IDS: variants seen among roughly 807,000 people sequenced by gnomAD.
IDS encodes the protein alpha-L-iduronate sulfate sulfatase.
In IDS, 1 loss-of-function variant was observed where a neutral mutation model predicts 33.5. The observed-to-expected ratio is 0.03, with a 90% CI of 0.01 to 0.14. The LOEUF (loss-of-function observed/expected upper bound fraction) is 0.14, where lower values mean the gene tolerates loss of function less well. Ranked by LOEUF, IDS falls within the 10% of genes least tolerant of loss-of-function variation. IDS has a pLI of 1.00. For synonymous variants in IDS, 191 were observed against 184.4 expected, an observed-to-expected ratio of 1.04 and a Z score of -0.29; for missense variants, 328 against 448.0, an observed-to-expected ratio of 0.73 and a Z score of 2.42.
chrX:149,498,423 G>T, intron 4 of IDS, 116 bp from the exon 5 acceptor site: 1 of 568,643 alleles, frequency 1.8e-6, no homozygotes, highest in South Asian at 3.0e-5. Flanking sequence ...TAGTCACTCA[G>T]ACTGAACAGA....
At chrX:149,487,261 T>C in intron 7 of IDS, 163 bp from the exon 8 acceptor site, 1 of 1,208,063 alleles carries the variant, frequency 8.3e-7, no homozygotes, top group Non-Finnish European at 1.1e-6. Context: ...AAAGGGTTAT[T>C]TCAACTGAAT....
chrX:149,485,920 C>T (rs530501), intron 8 of IDS, among the ~76,000 whole-genome samples: 45,019 of 110,637 alleles, frequency 0.41, 7,307 homozygotes, highest in Middle Eastern at 0.58. Context: ...CAGAAAGGCC[C>T]GAATGATGGT....
In IDS at chrX:149,482,896, C is replaced by T; in HGVS notation, c.1503G>A (p.Val501=). 8.3e-7 allele frequency: 1 copy of T among 1,211,603 alleles called. No homozygotes were observed. The highest frequency in any genetic ancestry group is 1.1e-6 in the Non-Finnish European group (1 of 895,212). The change falls in exon 9 of 9, where the codon GTG becomes GTA. Residue 501 remains valine (V), a synonymous_variant. Coordinates refer to ENST00000340855, the MANE Select transcript of IDS (RefSeq NM_000202.8). The part of the protein sequence containing the change: ...SIRTIDYRYT[V]WVGFNPDEFL... ...ATTCATCAGGATTGAAGCCAACCCACACAGTATACCTATAGTCTATGGTGC... is the reference window on the plus strand; with the variant it reads ...ATTCATCAGGATTGAAGCCAACCCATACAGTATACCTATAGTCTATGGTGC...
rs1239493564 is a variant in IDS, at chrX:149,480,036, T to A, written c.*2710A>T. On this transcript the variant is annotated 3_prime_UTR_variant, in exon 9 of 9. Coordinates refer to ENST00000340855, the MANE Select transcript of IDS (RefSeq NM_000202.8). ...ATGAATGAATGGGTGAAGAGAGGGA[T>A]GGGACAACCTAGTAGGAGGGAGGTA... 1 of 283,470 alleles carries A rather than the reference T, an allele frequency of 3.5e-6. No individual in the cohort carries two copies. Among genetic ancestry groups the A allele is most frequent in the East Asian group, 4.9e-5 (1 of 20,299 alleles). 23.4% of individuals were successfully genotyped at this position (283,470 alleles called of 1,213,427 possible). A position where few individuals can be genotyped will look rare whatever the true frequency, so the allele number is the denominator to read the frequency against.
intron 8 of IDS, 151 bp downstream of exon 8, chrX:149,486,774 G>A: frequency 3.3e-6 from 2 of 609,852 alleles, no homozygotes; most frequent in Admixed American, 2.8e-5. Flanking sequence ...GAAAGCGTGT[G>A]CTGACCACAA....
At position 149,482,899 on chromosome X, in the gene IDS, A is replaced by G. The variant is rs1602725629; in HGVS notation, c.1500T>C (p.Thr500=). 8 of 1,211,767 alleles carry G rather than the reference A, an allele frequency of 6.6e-6. No homozygotes were observed. Among genetic ancestry groups the G allele is most frequent in the Non-Finnish European group, 8.9e-6 (8 of 895,331 alleles). Residue 500 remains threonine, a synonymous_variant, in exon 9 of 9, where the codon ACT becomes ACC. Coordinates refer to ENST00000340855, the MANE Select transcript of IDS (RefSeq NM_000202.8). The part of the protein sequence containing the change: ...YSIRTIDYRY[T]VWVGFNPDEF... ...CATCAGGATTGAAGCCAACCCACAC[A>G]GTATACCTATAGTCTATGGTGCGTA...
chrX:149,486,978 T>G lies in IDS; in HGVS notation c.1127A>C (p.Lys376Thr), dbSNP rs782264750. The change falls in exon 8 of 9, where the codon AAG becomes ACG. Residue 376 changes from lysine to threonine, a missense_variant. Physicochemically the swap from Lys to Thr is moderately conservative, Grantham distance 78. Around this residue, in one of 4 missense-constraint regions of IDS, gnomAD observed 265 missense variants for 339.2 expected, o/e 0.78. Coordinates refer to ENST00000340855, the MANE Select transcript of IDS (RefSeq NM_000202.8). The stretch of plus-strand genomic sequence containing the variant: ...AAAAGGGTCGAGGTAAGGGAAAAGC[T>G]TCTCGCCTGCCTCCGGAAGTGAAGC... Reference protein sequence around the residue: ...RTASLPEAGEKLFPYLDPFDS... With the variant: ...RTASLPEAGETLFPYLDPFDS... 8.3e-7 allele frequency: 1 copy of G among 1,210,522 alleles called. No individual in the cohort carries two copies. The highest frequency in any genetic ancestry group is 1.8e-5 in the South Asian group (1 of 56,824).
At chrX:149,500,621 C>G (rs2089471621) in intron 4 of IDS, among the ~76,000 whole-genome samples, 1 of 111,891 alleles carries the variant, frequency 8.9e-6, no homozygotes, top group Admixed American at 9.4e-5. Context: ...GGAGCTCAGC[C>G]TCTTTTCTCC....
rs1201423639 is a variant in IDS at position 149,481,314 on chromosome X, G to T, written c.*1432C>A. On this transcript the variant is annotated 3_prime_UTR_variant, in exon 9 of 9. Transcript: ENST00000340855. ...CAGTCAGTCACTTAACTGCTTAGAA[G>T]ATCACCGTGTTACCATATAACCTCT... 8.9e-6 allele frequency: 1 copy of T among 112,389 alleles called. No homozygotes were observed. The highest frequency in any genetic ancestry group is 1.9e-5 in the Non-Finnish European group (1 of 53,287). The allele number at this position is 112,389 out of a possible 1,213,427, so 9.3% of individuals were successfully genotyped here.
chrX:149,487,274 T>C, intron 7 of IDS, 176 bp from the exon 8 acceptor site: 1 of 1,208,336 alleles, frequency 8.3e-7, no homozygotes. Flanking sequence ...AACTGAATGC[T>C]GCTTTATTCA....
rs1331164245 is a variant in IDS at position 149,480,325 on chromosome X, G to C, written c.*2421C>G. 1.0e-5 allele frequency: 3 copies of C among 297,679 alleles called. No individual in the cohort carries two copies. Among genetic ancestry groups the C allele is most frequent in the Non-Finnish European group, 1.8e-5 (3 of 170,398 alleles). 24.5% of individuals were successfully genotyped at this position (297,679 alleles called of 1,213,427 possible). A position where few individuals can be genotyped will look rare whatever the true frequency, so the allele number is the denominator to read the frequency against. Reference sequence around the variant, plus strand: ...AAGGACTGAGAAGATGGCAATGGGAGTGGGGAGGAAGGGGCTGATTGCCTT... The same window carrying C: ...AAGGACTGAGAAGATGGCAATGGGACTGGGGAGGAAGGGGCTGATTGCCTT... On this transcript the variant is annotated 3_prime_UTR_variant, in exon 9 of 9. Coordinates refer to ENST00000340855, the MANE Select transcript of IDS (RefSeq NM_000202.8).
At chrX:149,501,979 C>T (rs2089483990) in intron 3 of IDS, 1 of 249,002 alleles carries the variant, frequency 4.0e-6, no homozygotes, top group Non-Finnish European at 7.8e-6. Context: ...CATGAGCCTT[C>T]ATGTCTTCCT....
At chrX:149,496,610 G>T in intron 5 of IDS, 94 bp from the exon 6 acceptor site, 1 of 943,813 alleles carries the variant, frequency 1.1e-6, no homozygotes, top group Non-Finnish European at 1.5e-6. Flanking sequence ...TTTTCTCTAA[G>T]CCTGGGATGC....
intron 8 of IDS, among the ~76,000 whole-genome samples, chrX:149,486,574 T>C (rs1293657051): frequency 8.9e-6 from 1 of 112,047 alleles, no homozygotes. Flanking sequence ...TCCTCGTCTG[T>C]TACGGGGGCA....
intron 7 of IDS, 137 bp from the exon 8 acceptor site, chrX:149,487,235 C>T: frequency 8.3e-7 from 1 of 1,204,247 alleles, no homozygotes. Flanking sequence ...AAAATATTCA[C>T]TTGGAATTAC....
chrX:149,480,189 G>T lies in IDS; in HGVS notation c.*2557C>A. ...TCTAGACCCAGTAGTAGGCACTGAC[G>T]GTGTTATCAAAGGACAGGATCAAAG... On this transcript the variant is annotated 3_prime_UTR_variant, in exon 9 of 9. Transcript: ENST00000340855. 1 of 296,464 alleles carries T rather than the reference G, an allele frequency of 3.4e-6. No individual in the cohort carries two copies. The highest frequency in any genetic ancestry group is 2.1e-4 in the South Asian group (1 of 4,874). The allele number at this position is 296,464 out of a possible 1,213,427, so 24.4% of individuals were successfully genotyped here.
At position 149,501,019 on chromosome X, in the gene IDS, G is replaced by A; in HGVS notation, c.437C>T (p.Thr146Ile). The A allele has an allele frequency of 1.7e-6, 2 of 1,161,374 alleles. No individual in the cohort carries two copies. Among genetic ancestry groups the A allele is most frequent in the Non-Finnish European group, 2.4e-6 (2 of 849,678 alleles). Residue 146 changes from threonine (T) to isoleucine (I), a missense_variant, in exon 4 of 9, where the codon ACC (threonine) becomes ATC (isoleucine). Thr to Ile is a moderately conservative substitution (Grantham distance 89). Around this residue, in one of 4 missense-constraint regions of IDS, gnomAD observed 265 missense variants for 339.2 expected, o/e 0.78. Coordinates refer to ENST00000340855, the MANE Select transcript of IDS (RefSeq NM_000202.8). ...AGACCAGCTATACGGAGAATCATCG[G>A]TATGGTTAGAAGATATCCCTTGGAA... ...VFHPGISSNH[T>I]DDSPYSWSFP...
intron 6 of IDS, among the ~76,000 whole-genome samples, chrX:149,494,985 T>C (rs781970928): frequency 9.0e-6 from 1 of 111,681 alleles, no homozygotes; most frequent in South Asian, 3.8e-4. Flanking sequence ...AGCACTAATT[T>C]TGTGCTGTCA....
intron 8 of IDS, among the ~76,000 whole-genome samples, chrX:149,485,716 A>G (rs971031969): frequency 8.9e-6 from 1 of 112,221 alleles, no homozygotes; most frequent in Non-Finnish European, 1.9e-5. Context: ...ATTGCTGAAC[A>G]CTTCCCAACA....
Sources: allele counts gnomAD v4.1 joint callset (sites outside exome capture counted in the v4.1 genomes callset), GRCh38; gene constraint gnomAD v4.1.1; regional missense constraint gnomAD v4.1.1; transcripts MANE v1.5; gene names NCBI Gene and HGNC (gene_info 2026-07-23, HGNC 2026-07-21).